Variants in GNA15 observed in about 807,000 individuals in gnomAD.
The protein encoded by GNA15 is G protein subunit alpha 15.
A neutral mutation model predicts 40.1 loss-of-function variants in GNA15; 23 were observed. That is an observed-to-expected ratio of 0.57 (90% CI 0.41 to 0.81). The LOEUF is 0.81. GNA15 is among the 40% of genes least tolerant of loss of function. The probability of loss-of-function intolerance (pLI) is 0.00; values close to 1 mark genes in which losing one functional copy is unlikely to be tolerated. For missense variants in GNA15, 522 were observed against 515.8 expected, an observed-to-expected ratio of 1.01 and a Z score of -0.12; for synonymous variants, 226 against 210.4, an observed-to-expected ratio of 1.07 and a Z score of -0.64.
intron 1 of GNA15, among the ~76,000 whole-genome samples, chr19:3,144,149 T>A (rs920152674): frequency 6.8e-6 from 1 of 146,608 alleles, no homozygotes; most frequent in African/African-American, 2.5e-5. Flanking sequence ...AAAAGAGTTG[T>A]CCCCCTCTCG....
In GNA15 at chr19:3,162,919, A is replaced by G. The variant is rs1337172056; in HGVS notation, c.1025A>G (p.His342Arg). The G allele has an allele frequency of 2.5e-6, 4 of 1,613,920 alleles. No homozygotes were observed. Among genetic ancestry groups the G allele is most frequent in the Non-Finnish European group, 3.4e-6 (4 of 1,179,926 alleles). ...GCACGATCCCGACGCCTCTTCAGCC[A>G]CTACACATGTGCCACAGACACACAG... ...KGARSRRLFS[H>R]YTCATDTQNI... The change falls in exon 7 of 7, where the codon CAC becomes CGC. Residue 342 changes from histidine (H) to arginine (R), a missense_variant. Transcript: ENST00000262958.
chr19:3,161,088 G>A (rs1637654), intron 6 of GNA15, among the ~76,000 whole-genome samples: 31,353 of 151,608 alleles, frequency 0.21, 3,450 homozygotes, highest in Non-Finnish European at 0.25. Context: ...GACTACAGGC[G>A]CACACCACCA....
At position 3,148,626 on chromosome 19, in the gene GNA15, C is replaced by A. The variant is rs866353382; in HGVS notation, c.181C>A (p.Gln61Lys). Residue 61 changes from glutamine (Q) to lysine (K), a missense_variant, in exon 2 of 7, where the codon CAG becomes AAG. By Grantham distance (53) the Gln-to-Lys change is moderately conservative (BLOSUM62 1). Transcript: ENST00000262958. The stretch of plus-strand genomic sequence containing the variant: ...GAGCGGGAAGAGCACCTTCATCAAG[C>A]AGATGCGGATCATCCACGGCGCCGG... ...GESGKSTFIK[Q>K]MRIIHGAGYS... is the part of the protein sequence containing the mutation. 1.3e-6 allele frequency: 2 copies of A among 1,587,400 alleles called. No individual in the cohort carries two copies. The highest frequency in any genetic ancestry group is 1.7e-6 in the Non-Finnish European group (2 of 1,166,518).
At chr19:3,141,102 TG>T (rs35678267) in intron 1 of GNA15, among the ~76,000 whole-genome samples, 35,023 of 149,226 alleles carry the variant, frequency 0.23, 4,081 homozygotes, top group Non-Finnish European at 0.26. Flanking sequence ...AGGACCAGGG[TG>T]GGGGTGGGTC....
In GNA15 at chr19:3,151,483, G is replaced by A. The variant is rs1457974637; in HGVS notation, c.486-224G>A. ...TCGATGAGGCCATTCCTCATGTCAC[G>A]CCATCCCTCGGGTCACCCTGCTCTG... is the stretch of plus-strand genomic sequence containing the variant. On this transcript the variant is annotated intron_variant, in intron 3 of 6. Coordinates refer to ENST00000262958, the MANE Select transcript of GNA15 (RefSeq NM_002068.4). This position sits in a 1 kb window ranked among gnomAD's most constrained non-coding sequence, Gnocchi z 5.0. 6.6e-6 allele frequency among the ~76,000 whole-genome samples: 1 copy of A among 152,090 alleles called. No homozygotes were observed. Among genetic ancestry groups the A allele is most frequent in the Non-Finnish European group, 1.5e-5 (1 of 68,006 alleles).
Position 3,136,576 on chromosome 19 carries a change from G to A in GNA15, c.126G>A (p.Glu42=). Residue 42 remains glutamate (E), a synonymous_variant, in exon 1 of 7, where the codon GAG becomes GAA. Transcript: ENST00000262958. This position sits in a 1 kb window ranked among gnomAD's most constrained non-coding sequence, Gnocchi z 4.9. The part of the protein sequence containing the change: ...LLEQKKQDRG[E]LKLLLLGPGE... ...AGCAGAAGAAGCAGGACCGCGGGGA[G>A]CTGAAGCTGCTGCTTTTGGGTGAGT... is the stretch of plus-strand genomic sequence containing the variant. 1 of 1,561,718 alleles carries A rather than the reference G, an allele frequency of 6.4e-7. No individual in the cohort carries two copies. The highest frequency in any genetic ancestry group is 8.7e-7 in the Non-Finnish European group (1 of 1,153,294).
chr19:3,143,224 G>C (rs1914619316), intron 1 of GNA15: 1 of 152,206 alleles, frequency 6.6e-6, no homozygotes, highest in African/African-American at 2.4e-5. Context: ...GAATCTGTGA[G>C]GATTAACTGG....
intron 1 of GNA15, among the ~76,000 whole-genome samples, chr19:3,147,814 G>A (rs999540406): frequency 6.7e-6 from 1 of 149,952 alleles, no homozygotes; most frequent in African/African-American, 2.5e-5. Flanking sequence ...TGTGAACCCG[G>A]GAGACGGAGC....
chr19:3,145,538 C>T (rs988813164), intron 1 of GNA15, among the ~76,000 whole-genome samples: 1 of 95,612 alleles, frequency 1.0e-5, no homozygotes, highest in African/African-American at 4.4e-5. Context: ...AAGTTGCAGA[C>T]CTGGTACCTT....
rs774662136 is a variant in GNA15 at position 3,157,735 on chromosome 19, TGAA to T, written c.754_756del (p.Lys252del). The T allele has an allele frequency of 1.9e-6, 3 of 1,613,918 alleles. No homozygotes were observed. The highest frequency in any genetic ancestry group is 1.3e-5 in the African/African-American group (1 of 74,914). On this transcript the variant is annotated inframe_deletion, in exon 6 of 7. Transcript: ENST00000262958. ...CTTCTGCCCCCAACACAGAACCGCA[TGAA>T]GGAGAGCCTCGCATTGTTTGGGACT...
Position 3,136,482 on chromosome 19 carries a change from C to G in GNA15, c.32C>G (p.Pro11Arg). 6.4e-7 allele frequency: 1 copy of G among 1,554,014 alleles called. No individual in the cohort carries two copies. The highest frequency in any genetic ancestry group is 2.4e-5 in the East Asian group (1 of 41,372). Reference protein sequence around the residue: MARSLTWRCCPWCLTEDEKAA... With the variant: MARSLTWRCCRWCLTEDEKAA... Reference sequence around the variant, plus strand: ...CGCTCGCTGACCTGGCGCTGCTGCCCCTGGTGCCTGACGGAGGATGAGAAG... The same window carrying G: ...CGCTCGCTGACCTGGCGCTGCTGCCGCTGGTGCCTGACGGAGGATGAGAAG... The change falls in exon 1 of 7, where the codon CCC becomes CGC. Residue 11 changes from proline (P) to arginine (R), a missense_variant. Physicochemically the swap from Pro to Arg is moderately radical, Grantham distance 103. Coordinates refer to ENST00000262958, the MANE Select transcript of GNA15 (RefSeq NM_002068.4). The surrounding 1 kb of genome is among the most constrained non-coding windows in gnomAD (Gnocchi z 4.9).
At chr19:3,142,212 G>A (rs1914592935) in intron 1 of GNA15, 1 of 152,192 alleles carries the variant, frequency 6.6e-6, no homozygotes, top group African/African-American at 2.4e-5. Context: ...GCCTTTGGGG[G>A]TATCCTAAAA....
Position 3,145,359 on chromosome 19 carries a change from A to ATATATATATATTT in GNA15, c.146-3231_146-3230insATATATATATTTT. 6.2e-3 allele frequency among the ~76,000 whole-genome samples: 291 copies of ATATATATATATTT among 46,942 alleles called. 3 individuals carry two copies. The highest frequency in any genetic ancestry group is 0.015 in the African/African-American group (160 of 10,908). The allele number at this position is 46,942 out of a possible 152,430, so 30.8% of individuals were successfully genotyped here. A position where few individuals can be genotyped will look rare whatever the true frequency, so the allele number is the denominator to read the frequency against. ...TAAATATATATATATATATATATAT[A>ATATATATATATTT]TTTTTTTTTTTTTGTAGAGATGGGG... On this transcript the variant is annotated intron_variant, in intron 1 of 6. Coordinates refer to ENST00000262958, the MANE Select transcript of GNA15 (RefSeq NM_002068.4).
chr19:3,163,366 C>G lies in GNA15; in HGVS notation c.*347C>G, dbSNP rs1476649836. 5.4e-6 allele frequency: 2 copies of G among 368,266 alleles called. No homozygotes were observed. Among genetic ancestry groups the G allele is most frequent in the Non-Finnish European group, 1.0e-5 (2 of 194,384 alleles). 22.8% of individuals were successfully genotyped at this position (368,266 alleles called of 1,614,324 possible). A position where few individuals can be genotyped will look rare whatever the true frequency, so the allele number is the denominator to read the frequency against. ...GCCCCATCTCCGGGCGTGTCACCTC[C>G]TGGGCAGGGTTCTGGGACCCTCTGT... On this transcript the variant is annotated 3_prime_UTR_variant, in exon 7 of 7. Coordinates refer to ENST00000262958, the MANE Select transcript of GNA15 (RefSeq NM_002068.4).
At chr19:3,146,055 TCTC>T (rs1410960662) in intron 1 of GNA15, among the ~76,000 whole-genome samples, 4 of 151,980 alleles carry the variant, frequency 2.6e-5, no homozygotes, top group African/African-American at 9.7e-5. Flanking sequence ...GCTCCGGCCT[TCTC>T]CTCTGCTCCC....
In GNA15 at chr19:3,151,642, G is replaced by A. The variant is rs1914883606; in HGVS notation, c.486-65G>A. The A allele has an allele frequency of 1.8e-5, 27 of 1,477,550 alleles. No individual in the cohort carries two copies. Among genetic ancestry groups the A allele is most frequent in the Middle Eastern group, 2.1e-4 (1 of 4,760 alleles). The allele number at this position is 1,477,550 out of a possible 1,614,324, so 91.5% of individuals were successfully genotyped here. On this transcript the variant is annotated intron_variant, in intron 3 of 6. Coordinates refer to ENST00000262958, the MANE Select transcript of GNA15 (RefSeq NM_002068.4). This position sits in a 1 kb window ranked among gnomAD's most constrained non-coding sequence, Gnocchi z 5.0. ...CAGCAGGGTCCTTGCTGGGCCTTTC[G>A]TAGGGCCTGGGAAGCAAAGGGAGGC...
chr19:3,136,151 G>A lies in GNA15; in HGVS notation c.-300G>A, dbSNP rs1289342088. 1.8e-5 allele frequency: 4 copies of A among 223,650 alleles called. No homozygotes were observed. Among genetic ancestry groups the A allele is most frequent in the Non-Finnish European group, 3.5e-5 (4 of 113,616 alleles). 13.9% of individuals were successfully genotyped at this position (223,650 alleles called of 1,614,324 possible). On this transcript the variant is annotated 5_prime_UTR_variant, in exon 1 of 7. Coordinates refer to ENST00000262958, the MANE Select transcript of GNA15 (RefSeq NM_002068.4). The surrounding 1 kb of genome is among the most constrained non-coding windows in gnomAD (Gnocchi z 4.9). ...TCACCCTCTCCTGGCACCCTTCACC[G>A]TCAACCTGTCGGGCCGGGTCTGAGC...
At chr19:3,144,633 A>G (rs1914657086) in intron 1 of GNA15, among the ~76,000 whole-genome samples, 1 of 150,948 alleles carries the variant, frequency 6.6e-6, no homozygotes, top group Non-Finnish European at 1.5e-5. Context: ...GGTTCACGCC[A>G]TTCTCCTGCC....
At chr19:3,142,815 T>C (rs1914608921) in intron 1 of GNA15, among the ~76,000 whole-genome samples, 4 of 152,024 alleles carry the variant, frequency 2.6e-5, no homozygotes, top group Admixed American at 2.6e-4. Flanking sequence ...GAGGTTGCGG[T>C]GTGCTGAGAT....
Sources: gnomAD v4.1 joint callset for allele counts (sites outside exome capture counted in the v4.1 genomes callset) on GRCh38, gnomAD v4.1.1 for gene constraint, Gnocchi (gnomAD v3.1) non-coding constraint, MANE v1.5 for transcripts, NCBI Gene and HGNC (gene_info 2026-07-23, HGNC 2026-07-21) for gene names.